The following ELMOD3 variants were observed in gnomAD, a reference collection of about 807,000 sequenced individuals.
ELMOD3 encodes the protein ELMO domain containing 3.
Under a neutral mutation model 47.4 loss-of-function variants are expected in ELMOD3, and 36 were observed. The observed-to-expected ratio is 0.76, with a 90% CI of 0.58 to 1.00. The LOEUF (loss-of-function observed/expected upper bound fraction) is 1.00. Among genes scored for constraint, ELMOD3 ranks in the 50% least tolerant of loss-of-function variants. The pLI, the probability that ELMOD3 is intolerant of heterozygous loss-of-function variation, is 0.00. For missense variants in ELMOD3, 404 were observed against 463.8 expected, an observed-to-expected ratio of 0.87 and a Z score of 1.18; for synonymous variants, 149 against 183.5, an observed-to-expected ratio of 0.81 and a Z score of 1.52.
intron 8 of ELMOD3, among the ~76,000 whole-genome samples, chr2:85,370,626 T>C (rs927695593): frequency 3.3e-5 from 5 of 152,132 alleles, no homozygotes; most frequent in African/African-American, 1.2e-4. Context: ...CCCTGAGCCA[T>C]GAGAAGCCAA....
intron 11 of ELMOD3, 149 bp downstream of exon 11, chr2:85,377,623 A>G (rs1325706539): frequency 6.8e-6 from 5 of 736,486 alleles, no homozygotes; most frequent in Non-Finnish European, 1.0e-5. Context: ...TGTACCGCTC[A>G]TTAGCTGTGT....
At chr2:85,383,281 A>G (rs1685714790) in intron 11 of ELMOD3, among the ~76,000 whole-genome samples, 1 of 151,350 alleles carries the variant, frequency 6.6e-6, no homozygotes, top group Non-Finnish European at 1.5e-5. Flanking sequence ...GGCGCCCACC[A>G]CCACGCCTGG....
At chr2:85,373,353 C>T (rs1175756981) in intron 10 of ELMOD3, among the ~76,000 whole-genome samples, 1 of 152,214 alleles carries the variant, frequency 6.6e-6, no homozygotes, top group Non-Finnish European at 1.5e-5. Context: ...CCTCTCTCAT[C>T]TATCATGTAA....
At chr2:85,360,817 T>C in intron 4 of ELMOD3, 1 of 275,418 alleles carries the variant, frequency 3.6e-6, no homozygotes, top group South Asian at 4.3e-5. Context: ...ATCAGGAAAT[T>C]CTTTCACTGG....
At chr2:85,371,004 T>G in intron 8 of ELMOD3, 82 bp from the exon 9 acceptor site, 1 of 1,504,578 alleles carries the variant, frequency 6.6e-7, no homozygotes, top group South Asian at 1.3e-5. Flanking sequence ...CTGCAAGCAC[T>G]GCCTCTGGTC....
intron 8 of ELMOD3, 108 bp downstream of exon 8, chr2:85,369,938 T>C: frequency 7.3e-7 from 1 of 1,379,166 alleles, no homozygotes; most frequent in Non-Finnish European, 9.8e-7. Flanking sequence ...TCCCCTAAGA[T>C]CTTGGTGCCC....
At chr2:85,362,327 GA>G (rs1684040884) in intron 5 of ELMOD3, 67 bp downstream of exon 5, 10 of 1,002,050 alleles carry the variant, frequency 1.0e-5, no homozygotes, top group Non-Finnish European at 1.6e-5. Context: ...TGTGGTGCCA[GA>G]ACTGTGGTAG....
chr2:85,366,319 A>G (rs1288382754), intron 6 of ELMOD3, among the ~76,000 whole-genome samples: 1 of 151,980 alleles, frequency 6.6e-6, no homozygotes, highest in Non-Finnish European at 1.5e-5. Flanking sequence ...TTTAGCTCCT[A>G]TGCTGAAAGT....
At chr2:85,364,595 AAG>A (rs1684220685) in intron 6 of ELMOD3, among the ~76,000 whole-genome samples, 1 of 144,870 alleles carries the variant, frequency 6.9e-6, no homozygotes, top group South Asian at 2.1e-4. Flanking sequence ...AAAAAAAAAA[AAG>A]AGACAGGTTC....
chr2:85,365,918 G>A (rs1684349623), intron 6 of ELMOD3, among the ~76,000 whole-genome samples: 1 of 152,002 alleles, frequency 6.6e-6, no homozygotes, highest in Admixed American at 6.6e-5. Context: ...ATCCTGTTCA[G>A]CTTCATAATA....
At chr2:85,387,325 C>A in intron 11 of ELMOD3, 1 of 764,930 alleles carries the variant, frequency 1.3e-6, no homozygotes, top group Non-Finnish European at 1.6e-6. Flanking sequence ...CACAGCAACT[C>A]TGTGAGGTGG....
At chr2:85,357,523 T>C (rs969393961) in intron 4 of ELMOD3, 1 of 311,786 alleles carries the variant, frequency 3.2e-6, no homozygotes, top group Non-Finnish European at 5.9e-6. Context: ...CTGTATTTCA[T>C]TGATTTGGAT....
intron 11 of ELMOD3, among the ~76,000 whole-genome samples, chr2:85,385,018 G>A (rs1685830709): frequency 6.6e-6 from 1 of 152,234 alleles, no homozygotes; most frequent in Non-Finnish European, 1.5e-5. Context: ...AAATAGGATA[G>A]AGTTGAGAGA....
intron 6 of ELMOD3, among the ~76,000 whole-genome samples, chr2:85,365,258 G>A (rs961132202): frequency 6.6e-6 from 1 of 151,594 alleles, no homozygotes; most frequent in African/African-American, 2.4e-5. Flanking sequence ...AATTAGCCAG[G>A]AGAATCACTT....
At chr2:85,363,187 C>G in intron 6 of ELMOD3, 21 bp downstream of exon 6, 1 of 1,525,596 alleles carries the variant, frequency 6.6e-7, no homozygotes, top group Non-Finnish European at 9.1e-7. Flanking sequence ...CTTCAGGGCC[C>G]TTGGAGTCTG....
intron 6 of ELMOD3, among the ~76,000 whole-genome samples, chr2:85,366,628 G>C (rs1684406716): frequency 6.6e-6 from 1 of 152,214 alleles, no homozygotes; most frequent in Non-Finnish European, 1.5e-5. Context: ...TAAGTAACTT[G>C]CCTGAAGACA....
chr2:85,366,261 G>A (rs1267798918), intron 6 of ELMOD3, among the ~76,000 whole-genome samples: 4 of 151,792 alleles, frequency 2.6e-5, no homozygotes, highest in South Asian at 2.1e-4. Context: ...GTGAGCCACC[G>A]CACCCGGCCT....
chr2:85,367,129 C>T (rs536433390), intron 6 of ELMOD3, among the ~76,000 whole-genome samples: 77 of 152,250 alleles, frequency 5.1e-4, no homozygotes, highest in African/African-American at 1.8e-3. Context: ...TGTTGAGCAC[C>T]TATTATGTGT....
rs1268007497 is a variant in ELMOD3 at position 85,391,060 on chromosome 2, G to C, written c.*98G>C. On this transcript the variant is annotated 3_prime_UTR_variant, in exon 14 of 14. Coordinates refer to ENST00000409013, the MANE Select transcript of ELMOD3 (RefSeq NM_001135022.2). ...GCCTGGCCAGGCCGCACCCCTTGCT[G>C]TCTCAGCAGATGGGATATAGGAAGC... 1.6e-6 allele frequency: 2 copies of C among 1,214,498 alleles called. No individual in the cohort carries two copies. Among genetic ancestry groups the C allele is most frequent in the Non-Finnish European group, 2.3e-6 (2 of 871,490 alleles). The allele number at this position is 1,214,498 out of a possible 1,614,324, so 75.2% of individuals were successfully genotyped here.
Sources: allele counts gnomAD v4.1 joint callset (sites outside exome capture counted in the v4.1 genomes callset), GRCh38; gene constraint gnomAD v4.1.1; transcripts MANE v1.5; gene names NCBI Gene and HGNC (gene_info 2026-07-23, HGNC 2026-07-21).